The following ANK3 variants were observed in gnomAD, a reference collection of about 807,000 sequenced individuals.
ANK3 encodes the protein ankyrin 3.
In ANK3, 57 loss-of-function variants were observed where a neutral mutation model predicts 370.9. The observed-to-expected ratio is 0.15, with a 90% CI of 0.12 to 0.19. The LOEUF (loss-of-function observed/expected upper bound fraction) is 0.19. ANK3 is among the 10% of genes least tolerant of loss of function. ANK3 has a pLI of 1.00. For synonymous variants in ANK3, 1,929 were observed against 1,946.3 expected (o/e 0.99, Z 0.23); for missense variants, 4,439 against 5,302.1 (o/e 0.84, Z 5.06).
At chr10:60,408,612 C>T (rs1048679810) in intron 2 of ANK3, among the ~76,000 whole-genome samples, 1 of 152,074 alleles carries the variant, frequency 6.6e-6, no homozygotes, top group Admixed American at 6.5e-5. Context: ...TGAGAATGAA[C>T]TAATACAAAC....
At chr10:60,119,121 T>A (rs1327941826) in intron 25 of ANK3, among the ~76,000 whole-genome samples, 1 of 152,254 alleles carries the variant, frequency 6.6e-6, no homozygotes, top group Non-Finnish European at 1.5e-5. Flanking sequence ...CCTTAGTGCT[T>A]TCTCTTCTGA....
intron 1 of ANK3, among the ~76,000 whole-genome samples, chr10:60,309,140 C>G (rs976631839): frequency 6.6e-6 from 1 of 152,138 alleles, no homozygotes; most frequent in African/African-American, 2.4e-5. Flanking sequence ...TTCTTGACAC[C>G]TGCACACTTT....
At chr10:60,270,033 T>C in intron 5 of ANK3, 98 bp downstream of exon 5, 1 of 662,176 alleles carries the variant, frequency 1.5e-6, no homozygotes, top group Non-Finnish European at 2.4e-6. Flanking sequence ...AATATAAAAC[T>C]TCAATTGAAA....
chr10:60,195,442 A>C (rs965142204), intron 16 of ANK3, among the ~76,000 whole-genome samples: 1 of 151,766 alleles, frequency 6.6e-6, no homozygotes, highest in African/African-American at 2.4e-5. Context: ...ATGGTCCTCC[A>C]ACCAATAGTG....
chr10:60,650,237 G>A (rs1234803453), intron 1 of ANK3, among the ~76,000 whole-genome samples: 1 of 152,052 alleles, frequency 6.6e-6, no homozygotes, highest in Non-Finnish European at 1.5e-5. Context: ...TTTTGTAAAC[G>A]AAGTTCTGTT....
chr10:60,386,067 T>A (rs2062244961), intron 1 of ANK3, among the ~76,000 whole-genome samples: 1 of 152,132 alleles, frequency 6.6e-6, no homozygotes, highest in African/African-American at 2.4e-5. Context: ...TATGGTAGGA[T>A]GAGCCACCTA....
At chr10:60,506,714 T>A (rs527278634) in intron 2 of ANK3, among the ~76,000 whole-genome samples, 7 of 152,206 alleles carry the variant, frequency 4.6e-5, no homozygotes, top group African/African-American at 1.7e-4. Flanking sequence ...GAGATTTTAA[T>A]TTCTGATGAA....
intron 1 of ANK3, among the ~76,000 whole-genome samples, chr10:60,711,999 G>T (rs1226345172): frequency 6.6e-6 from 1 of 152,174 alleles, no homozygotes; most frequent in Non-Finnish European, 1.5e-5. Flanking sequence ...AAAAGGAAGA[G>T]AAATAAAGAC....
At chr10:60,369,333 C>A (rs1420897165) in intron 1 of ANK3, among the ~76,000 whole-genome samples, 4 of 152,146 alleles carry the variant, frequency 2.6e-5, no homozygotes, top group Non-Finnish European at 5.9e-5. Context: ...GTAAACATTG[C>A]CGAGAATGCA....
At chr10:60,595,405 T>C (rs2077973683) in intron 2 of ANK3, among the ~76,000 whole-genome samples, 1 of 152,146 alleles carries the variant, frequency 6.6e-6, no homozygotes, top group Non-Finnish European at 1.5e-5. Flanking sequence ...ATCATAGGGA[T>C]TGGAGCTGTC....
At chr10:60,280,029 C>G (rs7911285) in intron 1 of ANK3, among the ~76,000 whole-genome samples, 15,602 of 152,226 alleles carry the variant, frequency 0.1, 906 homozygotes, top group South Asian at 0.17. Context: ...ATATCTACCA[C>G]AGCAATTTTT....
intron 1 of ANK3, among the ~76,000 whole-genome samples, chr10:60,362,114 T>G (rs1323244622): frequency 2.0e-5 from 3 of 152,112 alleles, no homozygotes; most frequent in Admixed American, 2.0e-4. Context: ...ATATCTATAC[T>G]CTCAGGATGT....
At chr10:60,211,729 C>T (rs967393402) in intron 9 of ANK3, among the ~76,000 whole-genome samples, 18 of 151,710 alleles carry the variant, frequency 1.2e-4, no homozygotes, top group African/African-American at 3.4e-4. Flanking sequence ...AAAACTATAC[C>T]GCCTAAGGTA....
At chr10:60,421,976 A>G (rs2063787867) in intron 2 of ANK3, among the ~76,000 whole-genome samples, 2 of 152,126 alleles carry the variant, frequency 1.3e-5, no homozygotes, top group African/African-American at 2.4e-5. Context: ...AACTAAGGGT[A>G]TAAAAATTTT....
chr10:60,123,112 T>C (rs2093587787), intron 25 of ANK3, among the ~76,000 whole-genome samples: 1 of 152,118 alleles, frequency 6.6e-6, no homozygotes, highest in Non-Finnish European at 1.5e-5. Flanking sequence ...CTTCAAAAAC[T>C]AGGCAATACG....
intron 1 of ANK3, among the ~76,000 whole-genome samples, chr10:60,651,986 G>T (rs1374760247): frequency 6.6e-6 from 1 of 152,104 alleles, no homozygotes; most frequent in Non-Finnish European, 1.5e-5. Context: ...TAAACTTACT[G>T]ATAGTTGTTT....
At chr10:60,253,600 T>C (rs184947717) in intron 7 of ANK3, among the ~76,000 whole-genome samples, 1 of 152,356 alleles carries the variant, frequency 6.6e-6, no homozygotes, top group Admixed American at 6.5e-5. Flanking sequence ...TCCTCCATTC[T>C]GTCACCTTAC....
At chr10:60,105,796 T>C (rs1325516692) in intron 28 of ANK3, 109 bp downstream of exon 28, 9 of 1,211,302 alleles carry the variant, frequency 7.4e-6, no homozygotes, top group Middle Eastern at 2.0e-4. Flanking sequence ...ACTTGGGTCC[T>C]AGCTTAAAAT....
At chr10:60,529,995 AC>A (rs1285142013) in intron 2 of ANK3, among the ~76,000 whole-genome samples, 5 of 152,056 alleles carry the variant, frequency 3.3e-5, no homozygotes, top group South Asian at 4.2e-4. Flanking sequence ...CCCCCATCCC[AC>A]CCCCTGCTTT....
Sources: allele counts gnomAD v4.1 joint callset (sites outside exome capture counted in the v4.1 genomes callset), GRCh38; gene constraint gnomAD v4.1.1; transcripts MANE v1.5; gene names NCBI Gene and HGNC (gene_info 2026-07-23, HGNC 2026-07-21).